The following STUM variants were observed in gnomAD, a reference collection of about 807,000 sequenced individuals.
STUM encodes stum, mechanosensory transduction mediator homolog.
STUM carries 8 observed loss-of-function variants against 15.3 expected under a neutral mutation model. That is an observed-to-expected ratio of 0.52 (90% CI 0.31 to 0.94). STUM has a LOEUF of 0.94. Among genes scored for constraint, STUM ranks in the 40% least tolerant of loss-of-function variants. The probability of loss-of-function intolerance (pLI) is 0.05; values close to 1 mark genes in which losing one functional copy is unlikely to be tolerated. For missense variants in STUM, 142 were observed against 204.9 expected, an observed-to-expected ratio of 0.69 and a Z score of 1.87; for synonymous variants, 78 against 88.7, an observed-to-expected ratio of 0.88 and a Z score of 0.68.
At position 226,548,764 on chromosome 1, in the gene STUM, G is replaced by A; in HGVS notation, c.-141G>A. 1.6e-6 allele frequency: 1 copy of A among 619,306 alleles called. No homozygotes were observed. Among genetic ancestry groups the A allele is most frequent in the Non-Finnish European group, 2.2e-6 (1 of 447,044 alleles). The allele number at this position is 619,306 out of a possible 1,614,324, so 38.4% of individuals were successfully genotyped here. A position where few individuals can be genotyped will look rare whatever the true frequency, so the allele number is the denominator to read the frequency against. ...GGGACGCCGGAGGGCGGGAGTCTCCGCGAGCCGCGCGGCGCACGGAGCACG... is the reference window on the plus strand; with the variant it reads ...GGGACGCCGGAGGGCGGGAGTCTCCACGAGCCGCGCGGCGCACGGAGCACG... On this transcript the variant is annotated 5_prime_UTR_variant, in exon 1 of 4. Coordinates refer to ENST00000366788, the MANE Select transcript of STUM (RefSeq NM_001003665.4).
rs556272924 is a variant in STUM, at chr1:226,579,483, C to T, written c.203-17319C>T. On this transcript the variant is annotated intron_variant, in intron 1 of 3. Transcript: ENST00000366788. ...AGACGTTACATCAGATAATCCCACC[C>T]GCAAGTGTGAGATGAGGAGGTCTGT... Among the ~76,000 whole-genome samples the T allele has an allele frequency of 9.2e-5, 14 of 152,206 alleles. No homozygotes were observed. The East Asian group carries it at 1.5e-3, about 17-fold the overall frequency.
At chr1:226,591,634 G>T (rs1021517913) in intron 1 of STUM, among the ~76,000 whole-genome samples, 16 of 152,126 alleles carry the variant, frequency 1.1e-4, no homozygotes, top group African/African-American at 3.6e-4. Flanking sequence ...CAATTCCAGT[G>T]AGATTTCATC....
At chr1:226,579,423 T>C (rs1667881929) in intron 1 of STUM, among the ~76,000 whole-genome samples, 1 of 152,186 alleles carries the variant, frequency 6.6e-6, no homozygotes, top group Non-Finnish European at 1.5e-5. Context: ...ACTTGGTCCC[T>C]GTCCATGTGG....
At chr1:226,584,010 A>G (rs1558284472) in intron 1 of STUM, among the ~76,000 whole-genome samples, 1 of 151,874 alleles carries the variant, frequency 6.6e-6, no homozygotes, top group Non-Finnish European at 1.5e-5. Flanking sequence ...AGTGGTGCGA[A>G]AAAAAAAACC....
At chr1:226,590,800 T>C (rs1668072322) in intron 1 of STUM, among the ~76,000 whole-genome samples, 1 of 152,204 alleles carries the variant, frequency 6.6e-6, no homozygotes, top group Non-Finnish European at 1.5e-5. Flanking sequence ...CTGCAGATGC[T>C]TTTCCCCTCC....
rs921671040 is a variant in STUM, at chr1:226,602,301, G to A, written c.*261G>A. The A allele has an allele frequency of 2.4e-5, 12 of 502,026 alleles. No homozygotes were observed. Among genetic ancestry groups the A allele is most frequent in the East Asian group, 2.3e-4 (7 of 29,998 alleles). 31.1% of individuals were successfully genotyped at this position (502,026 alleles called of 1,614,324 possible). On this transcript the variant is annotated 3_prime_UTR_variant, in exon 4 of 4. Transcript: ENST00000366788. Reference sequence around the variant, plus strand: ...CAGAGAGTGGGGTGGAGATGAGAACGCCCACAGAGAGGCTGGGATGCTCCG... The same window carrying A: ...CAGAGAGTGGGGTGGAGATGAGAACACCCACAGAGAGGCTGGGATGCTCCG...
At chr1:226,598,806 T>C (rs1036792793) in intron 2 of STUM, among the ~76,000 whole-genome samples, 2 of 152,218 alleles carry the variant, frequency 1.3e-5, no homozygotes, top group African/African-American at 4.8e-5. Flanking sequence ...CTGCACACTG[T>C]TTCCAGGGAT....
chr1:226,548,824 C>T lies in STUM; in HGVS notation c.-81C>T, dbSNP rs1052560222. On this transcript the variant is annotated 5_prime_UTR_variant, in exon 1 of 4. Transcript: ENST00000366788. Reference sequence around the variant, plus strand: ...TGAGCTCGGCGCGGAGCCCGGAGCCCGCAGCCGACAGTCTCCTGCTCCCGT... The same window carrying T: ...TGAGCTCGGCGCGGAGCCCGGAGCCTGCAGCCGACAGTCTCCTGCTCCCGT... 3 of 1,146,410 alleles carry T rather than the reference C, an allele frequency of 2.6e-6. No individual in the cohort carries two copies. The Admixed American group carries it at 1.3e-4, about 50-fold the overall frequency. 71.0% of individuals were successfully genotyped at this position (1,146,410 alleles called of 1,614,324 possible).
chr1:226,601,123 T>A (rs1668255658), intron 3 of STUM, among the ~76,000 whole-genome samples: 1 of 151,828 alleles, frequency 6.6e-6, no homozygotes, highest in Non-Finnish European at 1.5e-5. Flanking sequence ...AGGTATCGTT[T>A]TTTTTTTCTT....
chr1:226,562,673 G>A (rs962227730), intron 1 of STUM, among the ~76,000 whole-genome samples: 7 of 152,102 alleles, frequency 4.6e-5, no homozygotes, highest in African/African-American at 1.4e-4. Flanking sequence ...AAATTGAGGG[G>A]TGTTCTACAA....
chr1:226,585,576 T>G (rs1227488502), intron 1 of STUM, among the ~76,000 whole-genome samples: 1 of 152,222 alleles, frequency 6.6e-6, no homozygotes, highest in African/African-American at 2.4e-5. Context: ...ATTCGGACCC[T>G]GGCATTCTGA....
Position 226,565,453 on chromosome 1 carries a change from CA to C in STUM, c.202+16348del, listed in dbSNP as rs1396556546. On this transcript the variant is annotated intron_variant, in intron 1 of 3. Coordinates refer to ENST00000366788, the MANE Select transcript of STUM (RefSeq NM_001003665.4). This position sits in a 1 kb window ranked among gnomAD's most constrained non-coding sequence, Gnocchi z 4.4. ...CAGCCTTGGCATACTACTGCTCCCC[CA>C]CCGTCACTTCTCATCCCACCCACCT... Among the ~76,000 whole-genome samples, 1 of 152,240 alleles carries C rather than the reference CA, an allele frequency of 6.6e-6. No individual in the cohort carries two copies. Among genetic ancestry groups the C allele is most frequent in the Non-Finnish European group, 1.5e-5 (1 of 68,044 alleles).
At chr1:226,583,352 A>G (rs1462968258) in intron 1 of STUM, among the ~76,000 whole-genome samples, 1 of 152,184 alleles carries the variant, frequency 6.6e-6, no homozygotes, top group Non-Finnish European at 1.5e-5. Context: ...GTTAAAAGAG[A>G]ATAAAGACTT....
rs1051615583 is a variant in STUM, at chr1:226,552,404, A to G, written c.202+3298A>G. The stretch of plus-strand genomic sequence containing the variant: ...CCACCGTTGGTACCTTCATGTTCCA[A>G]CAATTAGGGTGTTTATAAGTATATA... On this transcript the variant is annotated intron_variant, in intron 1 of 3. Transcript: ENST00000366788. This position sits in a 1 kb window ranked among gnomAD's most constrained non-coding sequence, Gnocchi z 4.7. 6.6e-6 allele frequency among the ~76,000 whole-genome samples: 1 copy of G among 152,212 alleles called. No homozygotes were observed. The highest frequency in any genetic ancestry group is 2.4e-5 in the African/African-American group (1 of 41,446).
chr1:226,593,783 C>T (rs960531225), intron 1 of STUM, among the ~76,000 whole-genome samples: 1 of 152,186 alleles, frequency 6.6e-6, no homozygotes, highest in Non-Finnish European at 1.5e-5. Flanking sequence ...ATCTTGAATC[C>T]GTGGTTTTCA....
chr1:226,572,604 G>A (rs2102695924), intron 1 of STUM, among the ~76,000 whole-genome samples: 1 of 152,322 alleles, frequency 6.6e-6, no homozygotes, highest in South Asian at 2.1e-4. Context: ...AAGCAGGCCA[G>A]GGAAGCCTCC....
chr1:226,560,839 C>G (rs1329302846), intron 1 of STUM, among the ~76,000 whole-genome samples: 1 of 152,220 alleles, frequency 6.6e-6, no homozygotes, highest in African/African-American at 2.4e-5. Context: ...AGATTCTCCT[C>G]CCCTGAAATT....
In STUM at chr1:226,562,014, T is replaced by A. The variant is rs539250491; in HGVS notation, c.202+12908T>A. On this transcript the variant is annotated intron_variant, in intron 1 of 3. Transcript: ENST00000366788. ...CAGTATGTCGGGTGGGGGGTGAGGT[T>A]GGGGGGAAGTGGGGAGTGACCATTA... Among the ~76,000 whole-genome samples, 7 of 79,698 alleles carry A rather than the reference T, an allele frequency of 8.8e-5. No homozygotes were observed. In the East Asian group the frequency reaches 2.8e-3, roughly 32 times the overall value. The allele number at this position is 79,698 out of a possible 152,430, so 52.3% of individuals were successfully genotyped here.
In STUM at chr1:226,567,795, T is replaced by A. The variant is rs542373370; in HGVS notation, c.202+18689T>A. ...GCATTTGGCACCAGATGCTGCCTAA[T>A]TGAACACCTGAACACAGCTGAGGGG... On this transcript the variant is annotated intron_variant, in intron 1 of 3. Transcript: ENST00000366788. The surrounding 1 kb of genome is among the most constrained non-coding windows in gnomAD (Gnocchi z 4.5). Among the ~76,000 whole-genome samples the A allele has an allele frequency of 6.6e-6, 1 of 152,188 alleles. No homozygotes were observed. Among genetic ancestry groups the A allele is most frequent in the Admixed American group, 6.5e-5 (1 of 15,280 alleles).
Sources: gnomAD v4.1 joint callset for allele counts (sites outside exome capture counted in the v4.1 genomes callset) on GRCh38, gnomAD v4.1.1 for gene constraint, Gnocchi (gnomAD v3.1) non-coding constraint, MANE v1.5 for transcripts, NCBI Gene and HGNC (gene_info 2026-07-23, HGNC 2026-07-21) for gene names.